Variants in ANGPT1 observed in about 807,000 individuals in gnomAD.
The protein encoded by ANGPT1 is angiopoietin-1.
ANGPT1 carries 17 observed loss-of-function variants against 62.2 expected under a neutral mutation model. That is an observed-to-expected ratio of 0.27 (90% CI 0.19 to 0.41). The LOEUF is 0.41. Among genes scored for constraint, ANGPT1 ranks in the 10% least tolerant of loss-of-function variants. ANGPT1 has a pLI of 1.00. For synonymous variants in ANGPT1, 199 were observed against 198.9 expected, an observed-to-expected ratio of 1.00 and a Z score of 0.00; for missense variants, 478 against 594.9, an observed-to-expected ratio of 0.80 and a Z score of 2.04.
rs572356978 is a variant in ANGPT1 at position 107,341,689 on chromosome 8, A to G, written c.453+5253T>C. Reference sequence around the variant, plus strand: ...CCTATATTATATTTATAATATAATAACCACTTCATTTGGTTACAGAATTTA... The same window carrying G: ...CCTATATTATATTTATAATATAATAGCCACTTCATTTGGTTACAGAATTTA... On this transcript the variant is annotated intron_variant, in intron 2 of 8. Coordinates refer to ENST00000517746, the MANE Select transcript of ANGPT1 (RefSeq NM_001146.5). Among the ~76,000 whole-genome samples the G allele has an allele frequency of 8.9e-4, 134 of 150,842 alleles. 1 individual carries two copies. The highest frequency in any genetic ancestry group is 1.7e-3 in the Non-Finnish European group (113 of 67,782).
intron 3 of ANGPT1, among the ~76,000 whole-genome samples, chr8:107,331,738 T>TG (rs1349004239): frequency 6.6e-6 from 1 of 152,190 alleles, no homozygotes; most frequent in Non-Finnish European, 1.5e-5. Context: ...CTAGTAGCTA[T>TG]GCGGCAGCTA....
intron 1 of ANGPT1, among the ~76,000 whole-genome samples, chr8:107,429,344 C>T (rs10086241): frequency 0.39 from 59,856 of 152,050 alleles, 12,044 homozygotes; most frequent in Middle Eastern, 0.5. Flanking sequence ...ATCACCATCT[C>T]ACCACTTAAC....
intron 1 of ANGPT1, among the ~76,000 whole-genome samples, chr8:107,456,151 T>C (rs1177778097): frequency 6.6e-6 from 1 of 152,064 alleles, no homozygotes; most frequent in African/African-American, 2.4e-5. Flanking sequence ...AAAATGTCCT[T>C]TGTGTTGTTA....
chr8:107,358,060 A>G (rs1203087416), intron 1 of ANGPT1, among the ~76,000 whole-genome samples: 2 of 152,146 alleles, frequency 1.3e-5, no homozygotes, highest in Non-Finnish European at 2.9e-5. Flanking sequence ...CTGCTTAAAT[A>G]AAGTAAAATA....
At chr8:107,323,249 C>T (rs1432082412) in intron 3 of ANGPT1, among the ~76,000 whole-genome samples, 1 of 152,124 alleles carries the variant, frequency 6.6e-6, no homozygotes, top group Non-Finnish European at 1.5e-5. Context: ...TATGGAGTGT[C>T]TAATATACTA....
At chr8:107,284,557 A>T in intron 7 of ANGPT1, 125 bp downstream of exon 7, 1 of 925,774 alleles carries the variant, frequency 1.1e-6, no homozygotes, top group African/African-American at 1.7e-5. Flanking sequence ...TAATAGGTCT[A>T]GACAAAAAAA....
rs375611436 is a variant in ANGPT1 at position 107,486,410 on chromosome 8, C to T, written c.297+10852G>A. 3.9e-5 allele frequency among the ~76,000 whole-genome samples: 6 copies of T among 152,264 alleles called. No homozygotes were observed. In the East Asian group the frequency reaches 1.2e-3, roughly 29 times the overall value. On this transcript the variant is annotated intron_variant, in intron 1 of 8. Transcript: ENST00000517746. The stretch of plus-strand genomic sequence containing the variant: ...CATTTGCCACGTGAGGCAATTATAA[C>T]ACTATCTACCTCACATTGGCTTTTG...
At chr8:107,280,095 T>C (rs1210530691) in intron 7 of ANGPT1, among the ~76,000 whole-genome samples, 1 of 152,162 alleles carries the variant, frequency 6.6e-6, no homozygotes, top group Non-Finnish European at 1.5e-5. Flanking sequence ...CTCTTCAGAA[T>C]TGCCCCAAAT....
At chr8:107,358,093 A>C (rs144068303) in intron 1 of ANGPT1, among the ~76,000 whole-genome samples, 1 of 152,268 alleles carries the variant, frequency 6.6e-6, no homozygotes, top group East Asian at 1.9e-4. Flanking sequence ...GTGTGCATAT[A>C]TATGTGTATG....
chr8:107,316,868 T>C (rs1237482876), intron 4 of ANGPT1, among the ~76,000 whole-genome samples: 1 of 152,218 alleles, frequency 6.6e-6, no homozygotes, highest in Non-Finnish European at 1.5e-5. Flanking sequence ...GCTTATATTT[T>C]AATCCTAGAT....
intron 1 of ANGPT1, among the ~76,000 whole-genome samples, chr8:107,456,893 T>C (rs1055845788): frequency 6.6e-6 from 1 of 152,122 alleles, no homozygotes; most frequent in Non-Finnish European, 1.5e-5. Flanking sequence ...AATGAACTTA[T>C]TTTGAACCAA....
chr8:107,415,294 G>T (rs760605540), intron 1 of ANGPT1, among the ~76,000 whole-genome samples: 74 of 152,222 alleles, frequency 4.9e-4, no homozygotes, highest in Non-Finnish European at 9.3e-4. Flanking sequence ...TGAATGATCT[G>T]GAATGAAAGA....
chr8:107,364,268 A>C (rs1012208229), intron 1 of ANGPT1, among the ~76,000 whole-genome samples: 2 of 152,126 alleles, frequency 1.3e-5, no homozygotes, highest in Admixed American at 1.3e-4. Context: ...AAATAATACA[A>C]TGGTTAATAT....
intron 6 of ANGPT1, among the ~76,000 whole-genome samples, chr8:107,291,696 C>A (rs886778385): frequency 2.0e-5 from 3 of 152,082 alleles, no homozygotes; most frequent in African/African-American, 7.2e-5. Flanking sequence ...CAGGCTTGAG[C>A]TACCGTGCCT....
chr8:107,425,921 G>A (rs576006718), intron 1 of ANGPT1, among the ~76,000 whole-genome samples: 6 of 152,214 alleles, frequency 3.9e-5, no homozygotes, highest in Non-Finnish European at 5.9e-5. Flanking sequence ...AGCAAGCATC[G>A]GGAACAGCTC....
intron 1 of ANGPT1, among the ~76,000 whole-genome samples, chr8:107,409,544 T>C (rs994814441): frequency 2.0e-5 from 3 of 152,158 alleles, no homozygotes; most frequent in African/African-American, 7.2e-5. Context: ...CTCTCAGTTA[T>C]CCCTTCCTTG....
intron 1 of ANGPT1, among the ~76,000 whole-genome samples, chr8:107,481,316 C>T (rs1039754420): frequency 2.0e-5 from 3 of 151,858 alleles, no homozygotes; most frequent in African/African-American, 4.8e-5. Context: ...AGGTGGATCA[C>T]GAGGTCAAGA....
At chr8:107,274,664 C>G (rs1813817478) in intron 7 of ANGPT1, among the ~76,000 whole-genome samples, 1 of 151,922 alleles carries the variant, frequency 6.6e-6, no homozygotes, top group South Asian at 2.1e-4. Flanking sequence ...CATTTTATAC[C>G]ATAAACCTTT....
chr8:107,339,265 A>T (rs1815643584), intron 2 of ANGPT1, among the ~76,000 whole-genome samples: 1 of 152,184 alleles, frequency 6.6e-6, no homozygotes, highest in African/African-American at 2.4e-5. Flanking sequence ...CTCCTTTGCA[A>T]CATGCTAATG....
Sources: gnomAD v4.1 joint callset for allele counts (sites outside exome capture counted in the v4.1 genomes callset) on GRCh38, gnomAD v4.1.1 for gene constraint, MANE v1.5 for transcripts, NCBI Gene and HGNC (gene_info 2026-07-23, HGNC 2026-07-21) for gene names.